Variants in ZNF131 observed in about 807,000 individuals in gnomAD.
ZNF131 encodes the protein zinc finger protein 131.
A neutral mutation model predicts 60.0 loss-of-function variants in ZNF131; 7 were observed. That is an observed-to-expected ratio of 0.12 (90% confidence interval 0.07 to 0.22). ZNF131 has a LOEUF of 0.22. Among genes scored for constraint, ZNF131 ranks in the 10% least tolerant of loss-of-function variants. The pLI is 1.00. For missense variants in ZNF131, 493 were observed against 740.9 expected, an observed-to-expected ratio of 0.67 and a Z score of 3.88; for synonymous variants, 257 against 253.2, an observed-to-expected ratio of 1.01 and a Z score of -0.14.
chr5:43,168,334 C>T (rs1284826599), intron 5 of ZNF131, among the ~76,000 whole-genome samples: 1 of 152,212 alleles, frequency 6.6e-6, no homozygotes, highest in East Asian at 1.9e-4. Flanking sequence ...ACAGGTATTC[C>T]AGGCAAAGGA....
intron 4 of ZNF131, among the ~76,000 whole-genome samples, chr5:43,157,136 G>C (rs918179581): frequency 2.0e-5 from 3 of 152,222 alleles, no homozygotes; most frequent in Middle Eastern, 3.4e-3. Context: ...ATCTCTCAAA[G>C]AGGGCCCTTA....
chr5:43,154,883 C>G (rs756479777), intron 4 of ZNF131, among the ~76,000 whole-genome samples: 21 of 152,162 alleles, frequency 1.4e-4, no homozygotes, highest in Middle Eastern at 3.2e-3. Flanking sequence ...GCCAAGTCTT[C>G]CAAGTAGCAG....
intron 5 of ZNF131, among the ~76,000 whole-genome samples, chr5:43,169,716 G>C (rs1475717941): frequency 6.6e-6 from 1 of 151,964 alleles, no homozygotes; most frequent in South Asian, 2.1e-4. Flanking sequence ...AAGCATACTT[G>C]TACATATGCC....
chr5:43,142,185 C>CA (rs979232326), intron 4 of ZNF131, among the ~76,000 whole-genome samples: 138 of 150,656 alleles, frequency 9.2e-4, no homozygotes, highest in Non-Finnish European at 1.6e-3. Context: ...ACTAAAAATA[C>CA]AAAAAAAATT....
intron 5 of ZNF131, 151 bp from the exon 6 acceptor site, chr5:43,173,167 A>G (rs1751210635): frequency 2.5e-6 from 2 of 799,886 alleles, no homozygotes; most frequent in East Asian, 5.5e-5. Context: ...AGTCTTTGGA[A>G]TATGGTGAAA....
At chr5:43,134,698 T>TC (rs1745819225) in intron 3 of ZNF131, among the ~76,000 whole-genome samples, 4 of 137,044 alleles carry the variant, frequency 2.9e-5, no homozygotes, top group South Asian at 2.4e-4. Context: ...TTTTTCTTTT[T>TC]TTTTTTTTTT....
intron 4 of ZNF131, among the ~76,000 whole-genome samples, chr5:43,150,815 C>T (rs1236858914): frequency 6.6e-6 from 1 of 152,114 alleles, no homozygotes; most frequent in African/African-American, 2.4e-5. Flanking sequence ...GGACCTAATC[C>T]ATTCAGTTTT....
chr5:43,143,898 C>CTTTTTTTT lies in ZNF131; in HGVS notation c.371+4620_371+4627dup, dbSNP rs79246574. The stretch of plus-strand genomic sequence containing the variant: ...TAGGTTCTCTGGAATATTGTCAGAG[C>CTTTTTTTT]TTTTTTTTTTTTTTTTTTTTTTTTT... On this transcript the variant is annotated intron_variant, in intron 4 of 6. Transcript: ENST00000682664. 3.1e-4 allele frequency among the ~76,000 whole-genome samples: 11 copies of CTTTTTTTT among 34,994 alleles called. 2 individuals are homozygous for CTTTTTTTT. The highest frequency in any genetic ancestry group is 4.7e-4 in the Admixed American group (1 of 2,138). The allele number at this position is 34,994 out of a possible 152,430, so 23.0% of individuals were successfully genotyped here.
At chr5:43,164,660 G>A (rs1415831945) in intron 5 of ZNF131, among the ~76,000 whole-genome samples, 1 of 152,120 alleles carries the variant, frequency 6.6e-6, no homozygotes, top group Non-Finnish European at 1.5e-5. Context: ...GGACAACACG[G>A]ACCACTTTGG....
chr5:43,146,624 G>T (rs1747613477), intron 4 of ZNF131, among the ~76,000 whole-genome samples: 1 of 151,618 alleles, frequency 6.6e-6, no homozygotes, highest in Non-Finnish European at 1.5e-5. Flanking sequence ...AACTGTGTAT[G>T]AGTCGGGCGC....
intron 3 of ZNF131, among the ~76,000 whole-genome samples, chr5:43,135,646 G>C (rs930581879): frequency 6.6e-6 from 1 of 152,068 alleles, no homozygotes; most frequent in East Asian, 1.9e-4. Flanking sequence ...CCAGCTATTC[G>C]GGAGGCTGAG....
At chr5:43,121,431 A>AG (rs1743786028) in intron 1 of ZNF131, 1 of 152,110 alleles carries the variant, frequency 6.6e-6, no homozygotes, top group Admixed American at 6.6e-5. Context: ...CCATCCACTG[A>AG]GGGGTGTGGG....
Position 43,175,445 on chromosome 5 carries a change from C to T in ZNF131, c.*312C>T. The T allele has an allele frequency of 1.4e-6, 1 of 698,982 alleles. No homozygotes were observed. Among genetic ancestry groups the T allele is most frequent in the Non-Finnish European group, 2.6e-6 (1 of 384,528 alleles). The allele number at this position is 698,982 out of a possible 1,614,324, so 43.3% of individuals were successfully genotyped here. On this transcript the variant is annotated 3_prime_UTR_variant, in exon 7 of 7. Coordinates refer to ENST00000682664, the MANE Select transcript of ZNF131 (RefSeq NM_001330707.2). The stretch of plus-strand genomic sequence containing the variant: ...CATTGTGGTAAAAGTTCTTCCTTTT[C>T]TCTTTCCCAGGTCATGTTCTTCCTC...
At chr5:43,162,907 A>AG (rs1313383235) in intron 5 of ZNF131, among the ~76,000 whole-genome samples, 2 of 117,986 alleles carry the variant, frequency 1.7e-5, no homozygotes, top group South Asian at 3.0e-4. Context: ...CTCTGTCTCA[A>AG]GGGAAAAAAA....
intron 5 of ZNF131, among the ~76,000 whole-genome samples, chr5:43,168,192 C>T (rs903968675): frequency 6.6e-6 from 1 of 152,236 alleles, no homozygotes; most frequent in Admixed American, 6.5e-5. Flanking sequence ...GGTCCTACCT[C>T]TCAATACTAC....
At chr5:43,127,712 G>A (rs1744732617) in intron 3 of ZNF131, among the ~76,000 whole-genome samples, 1 of 152,164 alleles carries the variant, frequency 6.6e-6, no homozygotes, top group South Asian at 2.1e-4. Context: ...GTTCATCTTT[G>A]ACTTCAAATC....
chr5:43,171,408 C>T (rs1379252670), intron 5 of ZNF131, among the ~76,000 whole-genome samples: 1 of 152,080 alleles, frequency 6.6e-6, no homozygotes, highest in Non-Finnish European at 1.5e-5. Flanking sequence ...AATGGATGTC[C>T]CTCCTGGCTT....
rs550727174 is a variant in ZNF131, at chr5:43,146,377, G to A, written c.371+7068G>A. Among the ~76,000 whole-genome samples the A allele has an allele frequency of 1.1e-4, 17 of 152,238 alleles. No individual in the cohort carries two copies. The East Asian group carries it at 3.3e-3, about 29-fold the overall frequency. On this transcript the variant is annotated intron_variant, in intron 4 of 6. Coordinates refer to ENST00000682664, the MANE Select transcript of ZNF131 (RefSeq NM_001330707.2). ...CCAAGGTGGGCGGATATGAGGTCAGGAGATCGAGACCATCCTGGCTAACAT... is the reference window on the plus strand; with the variant it reads ...CCAAGGTGGGCGGATATGAGGTCAGAAGATCGAGACCATCCTGGCTAACAT...
intron 2 of ZNF131, 116 bp downstream of exon 2, chr5:43,122,293 A>T: frequency 2.4e-6 from 3 of 1,246,302 alleles, no homozygotes; most frequent in Non-Finnish European, 2.1e-6. Flanking sequence ...TGGTCTCCCT[A>T]CCAAAGTCTG....
Sources: allele counts gnomAD v4.1 joint callset (sites outside exome capture counted in the v4.1 genomes callset), GRCh38; gene constraint gnomAD v4.1.1; transcripts MANE v1.5; gene names NCBI Gene and HGNC (gene_info 2026-07-23, HGNC 2026-07-21).